EXOC6B: variants seen among roughly 807,000 people sequenced by gnomAD.
The protein encoded by EXOC6B is exocyst complex component 6B.
In EXOC6B, 54 loss-of-function variants were observed where a neutral mutation model predicts 113.5. That is an observed-to-expected ratio of 0.48 (90% CI 0.38 to 0.60). The LOEUF (loss-of-function observed/expected upper bound fraction) is 0.60. Among genes scored for constraint, EXOC6B ranks in the 20% least tolerant of loss-of-function variants. EXOC6B has a pLI of 0.00. For synonymous variants in EXOC6B, 357 were observed against 339.0 expected, an observed-to-expected ratio of 1.05 and a Z score of -0.58; for missense variants, 797 against 977.5, an observed-to-expected ratio of 0.82 and a Z score of 2.46.
At chr2:72,547,675 A>G (rs1702985410) in intron 8 of EXOC6B, among the ~76,000 whole-genome samples, 1 of 152,150 alleles carries the variant, frequency 6.6e-6, no homozygotes, top group Non-Finnish European at 1.5e-5. Flanking sequence ...TGTATAAAGG[A>G]GCTTAAAGTA....
rs150274103 is a variant in EXOC6B, at chr2:72,754,362, A to G, written c.114-12893T>C. 6.1e-3 allele frequency among the ~76,000 whole-genome samples: 934 copies of G among 152,124 alleles called. 9 individuals are homozygous for G. Among genetic ancestry groups the G allele is most frequent in the African/African-American group, 0.021 (858 of 41,522 alleles). On this transcript the variant is annotated intron_variant, in intron 1 of 21. Coordinates refer to ENST00000272427, the MANE Select transcript of EXOC6B (RefSeq NM_015189.3). ...AATACCATTTTTCTCCTACTTGCTG[A>G]TATGAGGCATCTTTTCCCAAATGAC...
At position 72,177,812 on chromosome 2, in the gene EXOC6B, T is replaced by C. The variant is rs1677828280; in HGVS notation, c.*1523A>G. On this transcript the variant is annotated 3_prime_UTR_variant, in exon 22 of 22. Coordinates refer to ENST00000272427, the MANE Select transcript of EXOC6B (RefSeq NM_015189.3). ...TTTGATGAGTCTCTCCTCCCATCAA[T>C]CCAAGCTGGAAATGCCTGTGTGGCT... 6.6e-6 allele frequency: 1 copy of C among 152,214 alleles called. No homozygotes were observed. The highest frequency in any genetic ancestry group is 1.5e-5 in the Non-Finnish European group (1 of 68,038). The allele number at this position is 152,214 out of a possible 1,614,324, so 9.4% of individuals were successfully genotyped here. A position where few individuals can be genotyped will look rare whatever the true frequency, so the allele number is the denominator to read the frequency against.
At chr2:72,280,398 C>T (rs1685062411) in intron 20 of EXOC6B, among the ~76,000 whole-genome samples, 1 of 151,772 alleles carries the variant, frequency 6.6e-6, no homozygotes, top group South Asian at 2.1e-4. Context: ...TAGAATTAAG[C>T]AAAAAGAAAT....
chr2:72,669,273 A>T (rs1675616860), intron 6 of EXOC6B, among the ~76,000 whole-genome samples: 1 of 152,054 alleles, frequency 6.6e-6, no homozygotes, highest in Non-Finnish European at 1.5e-5. Context: ...CAATGCTCAT[A>T]AATGGGTGGT....
rs201027708 is a variant in EXOC6B at position 72,464,984 on chromosome 2, G to GA, written c.1980+175dup. The GA allele has an allele frequency of 1.5e-3, 912 of 601,700 alleles. 4 individuals carry two copies. The highest frequency in any genetic ancestry group is 0.015 in the African/African-American group (786 of 53,840). The allele number at this position is 601,700 out of a possible 1,614,324, so 37.3% of individuals were successfully genotyped here. A position where few individuals can be genotyped will look rare whatever the true frequency, so the allele number is the denominator to read the frequency against. The stretch of plus-strand genomic sequence containing the variant: ...AGATGAAAAAAATGCAAAGGTCAAT[G>GA]AAAAAATGATGGAAGTAGCCTCTAC... On this transcript the variant is annotated intron_variant, in intron 18 of 21. Transcript: ENST00000272427.
chr2:72,353,791 T>C (rs1427902002), intron 19 of EXOC6B, among the ~76,000 whole-genome samples: 1 of 152,068 alleles, frequency 6.6e-6, no homozygotes, highest in Non-Finnish European at 1.5e-5. Flanking sequence ...TGACAAAACA[T>C]GTTTTACCAA....
chr2:72,226,637 AG>A (rs1356457050), intron 20 of EXOC6B, among the ~76,000 whole-genome samples: 6 of 152,152 alleles, frequency 3.9e-5, no homozygotes, highest in Admixed American at 6.6e-5. Flanking sequence ...TTAAAAATCT[AG>A]GTTTACTTAG....
chr2:72,299,023 GT>G (rs1196813890), intron 20 of EXOC6B, among the ~76,000 whole-genome samples: 1 of 152,084 alleles, frequency 6.6e-6, no homozygotes, highest in Non-Finnish European at 1.5e-5. Flanking sequence ...GAATTTGAAT[GT>G]TGGCCTGCCT....
chr2:72,342,174 A>G (rs1689067877), intron 19 of EXOC6B, among the ~76,000 whole-genome samples: 1 of 152,080 alleles, frequency 6.6e-6, no homozygotes, highest in Non-Finnish European at 1.5e-5. Context: ...AAGGAAAATA[A>G]AAGTTCTCAA....
intron 6 of EXOC6B, among the ~76,000 whole-genome samples, chr2:72,714,035 C>T (rs543552731): frequency 6.6e-6 from 1 of 152,304 alleles, no homozygotes; most frequent in South Asian, 2.1e-4. Context: ...TCTCTTTCCC[C>T]TTCTGTGGTA....
rs1282799720 is a variant in EXOC6B at position 72,334,953 on chromosome 2, C to G, written c.2190G>C (p.Leu730Phe). 1 of 1,613,214 alleles carries G rather than the reference C, an allele frequency of 6.2e-7. No individual in the cohort carries two copies. Among genetic ancestry groups the G allele is most frequent in the Non-Finnish European group, 8.5e-7 (1 of 1,179,490 alleles). ...EDTLQLAFID[L>F]RQLLDLFIQW... ...CAAAAACACAAAGACTTACTTGTCT[C>G]AAGTCGATGAAGGCCAACTGCAGCG... Residue 730 changes from leucine to phenylalanine, a missense_variant, in exon 20 of 22, where the codon TTG becomes TTC. By Grantham distance (22) the Leu-to-Phe change is conservative. Transcript: ENST00000272427.
intron 1 of EXOC6B, among the ~76,000 whole-genome samples, chr2:72,821,014 T>A (rs1377083963): frequency 1.3e-5 from 2 of 152,070 alleles, no homozygotes; most frequent in African/African-American, 4.8e-5. Context: ...TAAAAACTTT[T>A]GTGCAGCAAA....
chr2:72,471,473 TC>T (rs1484840102), intron 17 of EXOC6B, among the ~76,000 whole-genome samples: 2 of 152,186 alleles, frequency 1.3e-5, no homozygotes, highest in African/African-American at 4.8e-5. Flanking sequence ...TTTAATGAGA[TC>T]CCATTTGTCA....
intron 6 of EXOC6B, among the ~76,000 whole-genome samples, chr2:72,625,055 A>C (rs1201198203): frequency 9.4e-6 from 1 of 106,706 alleles, no homozygotes; most frequent in Non-Finnish European, 1.8e-5. Context: ...AACATATAGA[A>C]GTTTTTTTTT....
chr2:72,358,603 C>A (rs1375558181), intron 19 of EXOC6B, among the ~76,000 whole-genome samples: 2 of 152,190 alleles, frequency 1.3e-5, no homozygotes, highest in East Asian at 3.9e-4. Flanking sequence ...GTTGAGTATG[C>A]CCAAACTACT....
intron 7 of EXOC6B, among the ~76,000 whole-genome samples, chr2:72,564,383 A>G (rs780144831): frequency 1.3e-5 from 2 of 152,204 alleles, no homozygotes; most frequent in Non-Finnish European, 2.9e-5. Flanking sequence ...AGGAATTTAG[A>G]TATCTTTCTC....
chr2:72,618,477 C>A (rs1352221473), intron 6 of EXOC6B, among the ~76,000 whole-genome samples: 1 of 152,158 alleles, frequency 6.6e-6, no homozygotes, highest in Non-Finnish European at 1.5e-5. Flanking sequence ...ATAAGACCCA[C>A]CTATACCCTT....
intron 20 of EXOC6B, among the ~76,000 whole-genome samples, chr2:72,202,931 T>C (rs1473228469): frequency 2.0e-5 from 3 of 151,950 alleles, no homozygotes; most frequent in African/African-American, 7.3e-5. Flanking sequence ...CTGAGGAGGG[T>C]GGTGAGGCAA....
intron 20 of EXOC6B, among the ~76,000 whole-genome samples, chr2:72,209,449 G>A (rs1680048691): frequency 6.6e-6 from 1 of 152,044 alleles, no homozygotes; most frequent in Non-Finnish European, 1.5e-5. Flanking sequence ...GGGAAGCAGA[G>A]ATTGCAGTGA....
Sources: allele counts gnomAD v4.1 joint callset (sites outside exome capture counted in the v4.1 genomes callset), GRCh38; gene constraint gnomAD v4.1.1; transcripts MANE v1.5; gene names NCBI Gene and HGNC (gene_info 2026-07-23, HGNC 2026-07-21).